RAB11FIP3: variants seen among roughly 807,000 people sequenced by gnomAD.
RAB11FIP3 encodes rab11 family-interacting protein 3.
In RAB11FIP3, 17 loss-of-function variants were observed where a neutral mutation model predicts 77.8. The ratio of observed to expected loss-of-function variants is 0.22; its 90% CI spans 0.15 to 0.33. The LOEUF is 0.33. RAB11FIP3 is among the 10% of genes least tolerant of loss of function. The pLI is 1.00. For missense variants in RAB11FIP3, 1,005 were observed against 1,011.2 expected, an observed-to-expected ratio of 0.99 and a Z score of 0.08; for synonymous variants, 437 against 448.2, an observed-to-expected ratio of 0.98 and a Z score of 0.31.
chr16:475,108 G>A, intron 3 of RAB11FIP3: 2 of 1,550,954 alleles, frequency 1.3e-6, no homozygotes, highest in Non-Finnish European at 1.7e-6. Flanking sequence ...GGTAAGAGGA[G>A]GCAGTAGTGT....
intron 10 of RAB11FIP3, 75 bp downstream of exon 10, chr16:519,099 C>A: frequency 2.0e-6 from 3 of 1,475,258 alleles, no homozygotes; most frequent in East Asian, 4.5e-5. Flanking sequence ...CTGAGGTAGC[C>A]CTGAGCTCTG....
chr16:463,718 A>G (rs1286097394), intron 2 of RAB11FIP3, among the ~76,000 whole-genome samples: 2 of 152,124 alleles, frequency 1.3e-5, no homozygotes, highest in Admixed American at 1.3e-4. Flanking sequence ...GGTTACAGAC[A>G]TGAGCCACTG....
At chr16:453,815 G>A (rs372006504) in intron 1 of RAB11FIP3, among the ~76,000 whole-genome samples, 4 of 151,438 alleles carry the variant, frequency 2.6e-5, no homozygotes, top group Non-Finnish European at 5.9e-5. Context: ...GGCTGGTCTC[G>A]AACTCCAGAG....
At position 519,738 on chromosome 16, in the gene RAB11FIP3, G is replaced by A. The variant is rs371442097; in HGVS notation, c.1723-16G>A. The stretch of plus-strand genomic sequence containing the variant: ...GGTGCGTGACCCGCATCCAGGGCAG[G>A]TGTCCACCCCTGCAGGAGAAGCAGA... On this transcript the variant is annotated splice_polypyrimidine_tract_variant and intron_variant, in intron 10 of 13. Transcript: ENST00000262305. 9.3e-6 allele frequency: 15 copies of A among 1,611,160 alleles called. No individual in the cohort carries two copies. Among genetic ancestry groups the A allele is most frequent in the Non-Finnish European group, 1.2e-5 (14 of 1,178,900 alleles).
At chr16:447,769 T>C (rs2055340908) in intron 1 of RAB11FIP3, among the ~76,000 whole-genome samples, 1 of 152,120 alleles carries the variant, frequency 6.6e-6, no homozygotes, top group South Asian at 2.1e-4. Context: ...AACGTATAAA[T>C]TATACCTGTC....
intron 3 of RAB11FIP3, among the ~76,000 whole-genome samples, chr16:480,389 A>G (rs1236400757): frequency 6.6e-6 from 1 of 151,430 alleles, no homozygotes; most frequent in African/African-American, 2.4e-5. Flanking sequence ...TAATGGCATG[A>G]TATCAGCTCA....
chr16:491,313 G>T, intron 5 of RAB11FIP3: 1 of 1,286,830 alleles, frequency 7.8e-7, no homozygotes, highest in Non-Finnish European at 1.0e-6. Flanking sequence ...CCAGGGTGTG[G>T]GGGACTCCGG....
intron 1 of RAB11FIP3, among the ~76,000 whole-genome samples, chr16:429,893 G>A (rs1014708482): frequency 2.0e-5 from 3 of 152,124 alleles, no homozygotes; most frequent in African/African-American, 7.2e-5. Context: ...TATTTAAATG[G>A]ATTATCTGAA....
In RAB11FIP3 at chr16:425,751, G is replaced by T; in HGVS notation, c.-256G>T. 1 of 328,236 alleles carries T rather than the reference G, an allele frequency of 3.0e-6. No homozygotes were observed. Among genetic ancestry groups the T allele is most frequent in the Non-Finnish European group, 5.5e-6 (1 of 181,114 alleles). 20.3% of individuals were successfully genotyped at this position (328,236 alleles called of 1,614,324 possible). On this transcript the variant is annotated 5_prime_UTR_variant, in exon 1 of 14. Transcript: ENST00000262305. ...CGGCCCCCGTCCCCCGCCATCCGCC[G>T]CCCGGATCCTCGCCGCCCTCCCTAG... is the stretch of plus-strand genomic sequence containing the variant.
chr16:491,128 C>G (rs1470288997), intron 5 of RAB11FIP3: 39 of 1,300,900 alleles, frequency 3.0e-5, no homozygotes, highest in Non-Finnish European at 3.9e-5. Flanking sequence ...GCTTCTGTCT[C>G]TCTAGCACTG....
chr16:468,202 A>G (rs867816096), intron 2 of RAB11FIP3, among the ~76,000 whole-genome samples: 42 of 9,136 alleles, frequency 4.6e-3, no homozygotes, highest in Admixed American at 6.6e-3. Flanking sequence ...AGGTGCAGGG[A>G]AGTCAGGGAG....
chr16:483,166 G>C (rs1484765017), intron 4 of RAB11FIP3, among the ~76,000 whole-genome samples: 1 of 152,192 alleles, frequency 6.6e-6, no homozygotes, highest in Non-Finnish European at 1.5e-5. Context: ...TAGAGGGACG[G>C]GCAGAGTCTG....
intron 1 of RAB11FIP3, among the ~76,000 whole-genome samples, chr16:438,187 A>C (rs982407485): frequency 6.6e-6 from 1 of 151,840 alleles, no homozygotes; most frequent in African/African-American, 2.4e-5. Flanking sequence ...CACTTACTGC[A>C]ACCTCCGCCT....
intron 1 of RAB11FIP3, among the ~76,000 whole-genome samples, chr16:436,169 G>A (rs1464766534): frequency 6.6e-6 from 1 of 152,154 alleles, no homozygotes; most frequent in Non-Finnish European, 1.5e-5. Context: ...AATTAGCCGG[G>A]CGTGGTGGCA....
intron 5 of RAB11FIP3, chr16:491,395 G>A: frequency 9.5e-7 from 1 of 1,057,128 alleles, no homozygotes; most frequent in Non-Finnish European, 1.2e-6. Flanking sequence ...CTCTCCCTGG[G>A]GCCCCGCCTC....
intron 1 of RAB11FIP3, among the ~76,000 whole-genome samples, chr16:434,171 G>C (rs1434261957): frequency 6.6e-6 from 1 of 152,082 alleles, no homozygotes; most frequent in Non-Finnish European, 1.5e-5. Context: ...GGCTAGGCTG[G>C]AGTGCAATGG....
chr16:447,823 C>G (rs371200924), intron 1 of RAB11FIP3, among the ~76,000 whole-genome samples: 25 of 152,302 alleles, frequency 1.6e-4, no homozygotes, highest in Middle Eastern at 3.4e-3. Flanking sequence ...AGACTGTTGT[C>G]TGGTTAATGT....
chr16:462,809 G>GTCCCTTCCCCAGCACGA (rs1567371089), intron 2 of RAB11FIP3, among the ~76,000 whole-genome samples: 1 of 42,274 alleles, frequency 2.4e-5, no homozygotes, highest in Non-Finnish European at 4.6e-5. Flanking sequence ...CCCCAGCACC[G>GTCCCTTCCCCAGCACGA]TCCCTTCCCC....
At chr16:467,854 G>A (rs2055734024) in intron 2 of RAB11FIP3, among the ~76,000 whole-genome samples, 1 of 91,564 alleles carries the variant, frequency 1.1e-5, no homozygotes, top group African/African-American at 4.9e-5. Context: ...AGGTGCTGGG[G>A]CCTCAGGGAG....
Sources: allele counts gnomAD v4.1 joint callset (sites outside exome capture counted in the v4.1 genomes callset), GRCh38; gene constraint gnomAD v4.1.1; transcripts MANE v1.5; gene names NCBI Gene and HGNC (gene_info 2026-07-23, HGNC 2026-07-21).